The following EPB42 variants were observed in gnomAD, a reference collection of about 807,000 sequenced individuals.
EPB42 encodes protein 4.2.
In EPB42, 49 loss-of-function variants were observed where a neutral mutation model predicts 76.9. That is an observed-to-expected ratio of 0.64 (90% CI 0.51 to 0.81). The LOEUF is 0.81. Among genes scored for constraint, EPB42 ranks in the 30% least tolerant of loss-of-function variants. The pLI is 0.00. For missense variants in EPB42, 731 were observed against 867.6 expected (o/e 0.84, Z 1.98); for synonymous variants, 310 against 338.4 (o/e 0.92, Z 0.92).
At chr15:43,214,404 C>T (rs539906899) in intron 3 of EPB42, among the ~76,000 whole-genome samples, 3 of 152,198 alleles carry the variant, frequency 2.0e-5, no homozygotes, top group East Asian at 3.9e-4. Context: ...TCTGGTGAAC[C>T]GTAGGGTCCT....
Position 43,216,459 on chromosome 15 carries a change from G to T in EPB42, c.11-6C>A, listed in dbSNP as rs771627277. 144 of 1,613,904 alleles carry T rather than the reference G, an allele frequency of 8.9e-5. No homozygotes were observed. The highest frequency in any genetic ancestry group is 1.1e-4 in the Non-Finnish European group (132 of 1,180,030). On this transcript the variant is annotated splice_region_variant and splice_polypyrimidine_tract_variant and intron_variant, in intron 1 of 12. Transcript: ENST00000441366. ...ACAGCTCTTGATACCCAGGGCTGTT[G>T]TGGGAAAGAGAGAAGTCACGGAAAC...
chr15:43,225,268 T>TTGTA (rs1201013972), upstream of EPB42, among the ~76,000 whole-genome samples: 3 of 152,260 alleles, frequency 2.0e-5, no homozygotes, highest in African/African-American at 7.2e-5. Context: ...TATATACCCT[T>TTGTA]TGTATCTTTG....
At chr15:43,203,851 G>A (rs1032440608) in intron 10 of EPB42, among the ~76,000 whole-genome samples, 1 of 152,154 alleles carries the variant, frequency 6.6e-6, no homozygotes, top group African/African-American at 2.4e-5. Context: ...GCCACAGAAC[G>A]TGGTTGTGAG....
intron 12 of EPB42, among the ~76,000 whole-genome samples, chr15:43,199,240 C>T (rs749531375): frequency 1.2e-4 from 18 of 152,196 alleles, no homozygotes; most frequent in Non-Finnish European, 2.5e-4. Context: ...AGACACTCAG[C>T]GCCAGCCTGT....
intron 12 of EPB42, 91 bp from the exon 13 acceptor site, chr15:43,197,555 G>A (rs2042061397): frequency 9.0e-6 from 13 of 1,451,438 alleles, no homozygotes; most frequent in Middle Eastern, 4.7e-4. Flanking sequence ...GCTTGAAGAG[G>A]TGGACCATGC....
intron 1 of EPB42, among the ~76,000 whole-genome samples, chr15:43,218,253 C>T (rs1292624461): frequency 1.3e-5 from 2 of 152,198 alleles, no homozygotes; most frequent in Non-Finnish European, 2.9e-5. Flanking sequence ...GCCTTAGTCA[C>T]ATCCTAAGTC....
At chr15:43,215,735 C>T (rs1057394741) in intron 2 of EPB42, among the ~76,000 whole-genome samples, 3 of 152,146 alleles carry the variant, frequency 2.0e-5, no homozygotes, top group Non-Finnish European at 4.4e-5. Flanking sequence ...TTGCTTTTGT[C>T]GCCCAGGCTG....
At position 43,211,502 on chromosome 15, in the gene EPB42, G is replaced by A. The variant is rs146473183; in HGVS notation, c.463C>T (p.Arg155Cys). 1.1e-5 allele frequency: 18 copies of A among 1,613,732 alleles called. No individual in the cohort carries two copies. Among genetic ancestry groups the A allele is most frequent in the East Asian group, 1.1e-4 (5 of 44,886 alleles). Residue 155 changes from arginine to cysteine, a missense_variant, in exon 4 of 13, where the codon CGC (arginine) becomes TGC (cysteine). By Grantham distance (180) the Arg-to-Cys change is radical (BLOSUM62 -3). Transcript: ENST00000441366. ...DAVFLKNEAQRMEYLLNQNGL... is the reference protein window; with the variant it reads ...DAVFLKNEAQCMEYLLNQNGL... ...TTCTGGTTCAACAAGTACTCCATGC[G>A]CTGAGCCTCATTCTTCAGGAACACA... is the stretch of plus-strand genomic sequence containing the variant.
At chr15:43,214,856 GC>G (rs909377988) in intron 3 of EPB42, among the ~76,000 whole-genome samples, 40 of 152,320 alleles carry the variant, frequency 2.6e-4, no homozygotes, top group Admixed American at 9.8e-4. Flanking sequence ...GGTGAGACAA[GC>G]TTTTGCTTTC....
At chr15:43,223,707 C>T (rs2042482552), upstream of EPB42, among the ~76,000 whole-genome samples, 1 of 151,746 alleles carries the variant, frequency 6.6e-6, no homozygotes, top group African/African-American at 2.4e-5. Flanking sequence ...CGGCTGGGCG[C>T]GGTGGCTCAT....
In EPB42 at chr15:43,206,446, CT is replaced by C. The variant is rs777764528; in HGVS notation, c.1501del (p.Ser501ValfsTer42). The stretch of plus-strand genomic sequence containing the variant: ...CAGCTGCACTGCCTTCTCCTGCTCA[CT>C]GTGATTAACCAGCGTCACTGAGATC... The part of the protein sequence containing the change: ...AQISVTLVNH[S>X]EQEKAVQLAI... On this transcript the variant is annotated frameshift_variant, in exon 10 of 13. Coordinates refer to ENST00000441366, the MANE Select transcript of EPB42 (RefSeq NM_001114134.2). LOFTEE classifies it high-confidence loss of function. The surrounding 1 kb of genome is among the most constrained non-coding windows in gnomAD (Gnocchi z 4.7). 5.7e-5 allele frequency: 92 copies of C among 1,614,124 alleles called. No homozygotes were observed. Among genetic ancestry groups the C allele is most frequent in the Non-Finnish European group, 7.7e-5 (91 of 1,180,052 alleles).
Position 43,215,345 on chromosome 15 carries a change from AT to A in EPB42, c.197-18del. 6.2e-7 allele frequency: 1 copy of A among 1,612,576 alleles called. No homozygotes were observed. The highest frequency in any genetic ancestry group is 8.5e-7 in the Non-Finnish European group (1 of 1,178,546). On this transcript the variant is annotated intron_variant, in intron 2 of 12. Coordinates refer to ENST00000441366, the MANE Select transcript of EPB42 (RefSeq NM_001114134.2). Reference sequence around the variant, plus strand: ...GCTGCTCTCCTGTAGTCACACGGTGATTAGTCTGTCACTGGGACTTCTTGGT... The same window carrying A: ...GCTGCTCTCCTGTAGTCACACGGTGATAGTCTGTCACTGGGACTTCTTGGT...
At chr15:43,207,061 C>T in intron 9 of EPB42, 138 bp downstream of exon 9, 2 of 1,299,834 alleles carry the variant, frequency 1.5e-6, no homozygotes, top group East Asian at 2.5e-5. Flanking sequence ...TCAATGGTGT[C>T]AAATGGGGTT....
intron 3 of EPB42, among the ~76,000 whole-genome samples, chr15:43,212,516 CAAAAACAGGTGTTTCAGAA>C (rs1436414071): frequency 6.6e-6 from 1 of 152,034 alleles, no homozygotes; most frequent in Non-Finnish European, 1.5e-5. Flanking sequence ...AATTTGTGAC[CAAAAACAGGTGTTTCAGAA>C]AAAAGACAAT....
At chr15:43,215,024 G>A in intron 3 of EPB42, 71 bp downstream of exon 3, 1 of 1,363,128 alleles carries the variant, frequency 7.3e-7, no homozygotes, top group Non-Finnish European at 1.0e-6. Flanking sequence ...GGTGCTCCCT[G>A]CCAGAGCTGC....
In EPB42 at chr15:43,206,628, C is replaced by A; in HGVS notation, c.1320G>T (p.Gly440=). ...DITQNYKYPE[G]SLQEKEVLER... is the part of the protein sequence containing the mutation. Reference sequence around the variant, plus strand: ...CCAGCACCTCTTTTTCCTGAAGAGACCCTGGAGAAGGGAAGAAACAAAGCT... The same window carrying A: ...CCAGCACCTCTTTTTCCTGAAGAGAACCTGGAGAAGGGAAGAAACAAAGCT... Residue 440 remains glycine (G), a splice_region_variant and synonymous_variant, in exon 10 of 13, where the codon GGG becomes GGT. Transcript: ENST00000441366. This position sits in a 1 kb window ranked among gnomAD's most constrained non-coding sequence, Gnocchi z 4.7. 1 of 1,614,130 alleles carries A rather than the reference C, an allele frequency of 6.2e-7. No homozygotes were observed.
At position 43,208,306 on chromosome 15, in the gene EPB42, C is replaced by A. The variant is rs201351228; in HGVS notation, c.999G>T (p.Trp333Cys). The change falls in exon 8 of 13, where the codon TGG becomes TGT. Residue 333 changes from tryptophan to cysteine, a missense_variant. Physicochemically the swap from Trp to Cys is radical, Grantham distance 215. Transcript: ENST00000441366. ...CCTGGGGCAAGGCAGGCCGCGTCAT[C>A]CAGCACTCTGTGGAAGTCTGGAAGA... ...IWIFQTSTECWMTRPALPQGY... is the reference protein window; with the variant it reads ...IWIFQTSTECCMTRPALPQGY... The A allele has an allele frequency of 6.2e-7, 1 of 1,614,096 alleles. No homozygotes were observed. The highest frequency in any genetic ancestry group is 8.5e-7 in the Non-Finnish European group (1 of 1,179,986).
intron 1 of EPB42, 36 bp from the exon 2 acceptor site, chr15:43,216,489 T>C (rs746112437): frequency 1.9e-6 from 3 of 1,605,494 alleles, no homozygotes; most frequent in Non-Finnish European, 1.7e-6. Flanking sequence ...GGAAACTAAG[T>C]ACATGTGACA....
Position 43,203,127 on chromosome 15 carries a change from G to T in EPB42, c.1767C>A (p.His589Gln), listed in dbSNP as rs114354377. ...GACTGGTGCCTACCTTGATGGCAAG[G>T]TGTGGTCTACAAATGGCAATGTCTT... is the stretch of plus-strand genomic sequence containing the variant. ...AQEDIAICRP[H>Q]LAIKMPEKAE... The change falls in exon 11 of 13, where the codon CAC becomes CAA. Residue 589 changes from histidine (H) to glutamine (Q), a missense_variant. Coordinates refer to ENST00000441366, the MANE Select transcript of EPB42 (RefSeq NM_001114134.2). 1,656 of 1,614,102 alleles carry T rather than the reference G, an allele frequency of 1.0e-3. 20 individuals carry two copies. The African/African-American group carries it at 0.02, about 20-fold the overall frequency.
Sources: allele counts gnomAD v4.1 joint callset (sites outside exome capture counted in the v4.1 genomes callset), GRCh38; gene constraint gnomAD v4.1.1; non-coding constraint Gnocchi (gnomAD v3.1); transcripts MANE v1.5; gene names NCBI Gene and HGNC (gene_info 2026-07-23, HGNC 2026-07-21).